The following FSTL4 variants were observed in gnomAD, a reference collection of about 807,000 sequenced individuals.
FSTL4 encodes the protein follistatin-related protein 4.
FSTL4 carries 28 observed loss-of-function variants against 78.2 expected under a neutral mutation model. That is an observed-to-expected ratio of 0.36 (90% CI 0.27 to 0.49). The LOEUF is 0.49. Among genes scored for constraint, FSTL4 ranks in the 20% least tolerant of loss-of-function variants. The probability of loss-of-function intolerance (pLI) is 0.98; values close to 1 mark genes in which losing one functional copy is unlikely to be tolerated. For missense variants in FSTL4, 922 were observed against 1,084.9 expected, an observed-to-expected ratio of 0.85 and a Z score of 2.11; for synonymous variants, 422 against 440.5, an observed-to-expected ratio of 0.96 and a Z score of 0.53.
chr5:133,579,500 C>T (rs1325387544), intron 2 of FSTL4, among the ~76,000 whole-genome samples: 1 of 152,146 alleles, frequency 6.6e-6, no homozygotes, highest in African/African-American at 2.4e-5. Context: ...TCCAGCAGTC[C>T]ATGATCCATA....
chr5:133,245,325 C>T (rs1189952503), intron 7 of FSTL4, among the ~76,000 whole-genome samples: 2 of 152,094 alleles, frequency 1.3e-5, no homozygotes, highest in Admixed American at 1.3e-4. Context: ...TGTGAACTCC[C>T]TCTTGGATGC....
At chr5:133,233,345 G>T (rs1426318236) in intron 8 of FSTL4, 72 bp downstream of exon 8, 14 of 1,517,172 alleles carry the variant, frequency 9.2e-6, no homozygotes, top group Middle Eastern at 2.1e-4. Context: ...ATACAGGAGG[G>T]GGCGAGGGTT....
chr5:133,342,458 C>T (rs1028330515), intron 4 of FSTL4, among the ~76,000 whole-genome samples: 1 of 152,216 alleles, frequency 6.6e-6, no homozygotes, highest in African/African-American at 2.4e-5. Context: ...CTTCTACTTA[C>T]AGCACTGCAG....
At chr5:133,530,664 T>C (rs1380257841) in intron 3 of FSTL4, among the ~76,000 whole-genome samples, 1 of 152,150 alleles carries the variant, frequency 6.6e-6, no homozygotes, top group Admixed American at 6.5e-5. Context: ...CAGCTAGAAA[T>C]TGCTGTGTGG....
intron 4 of FSTL4, among the ~76,000 whole-genome samples, chr5:133,335,791 G>A (rs1486083029): frequency 6.6e-6 from 1 of 151,902 alleles, no homozygotes; most frequent in African/African-American, 2.4e-5. Context: ...CAAGAAGATG[G>A]GCCCTGATGC....
chr5:133,395,884 G>A (rs1025636477), intron 4 of FSTL4, among the ~76,000 whole-genome samples: 13 of 152,088 alleles, frequency 8.5e-5, no homozygotes, highest in African/African-American at 2.4e-4. Context: ...CTGAGAGCCC[G>A]GAGGTACATT....
At chr5:133,237,217 C>T (rs575095879) in intron 7 of FSTL4, among the ~76,000 whole-genome samples, 1 of 152,174 alleles carries the variant, frequency 6.6e-6, no homozygotes, top group African/African-American at 2.4e-5. Flanking sequence ...CTGCAGCCCT[C>T]GGGAGAACTC....
At chr5:133,750,087 G>C in the FSTL4 span, among the ~76,000 whole-genome samples, 1 of 152,136 alleles carries the variant, frequency 6.6e-6, no homozygotes, top group Admixed American at 6.5e-5. Context: ...GGGTGAGCTG[G>C]GGATGGGAGA....
chr5:133,341,454 T>C (rs945867788), intron 4 of FSTL4, among the ~76,000 whole-genome samples: 2 of 152,062 alleles, frequency 1.3e-5, no homozygotes, highest in Admixed American at 6.6e-5. Flanking sequence ...GGCATTTCCC[T>C]TGCACGTGGT....
chr5:133,384,473 G>A lies in FSTL4; in HGVS notation c.409+16265C>T, dbSNP rs118077022. Reference sequence around the variant, plus strand: ...AGATGACTTGTACTTCTGCTTAGACGAGGACTGGCTAAGGATGGAGGAAGG... The same window carrying A: ...AGATGACTTGTACTTCTGCTTAGACAAGGACTGGCTAAGGATGGAGGAAGG... On this transcript the variant is annotated intron_variant, in intron 4 of 15. Coordinates refer to ENST00000265342, the MANE Select transcript of FSTL4 (RefSeq NM_015082.2). Among the ~76,000 whole-genome samples, 59 of 152,334 alleles carry A rather than the reference G, an allele frequency of 3.9e-4. No individual in the cohort carries two copies. The East Asian group carries it at 9.2e-3, about 24-fold the overall frequency.
At chr5:133,468,697 T>G (rs1238788646) in intron 3 of FSTL4, among the ~76,000 whole-genome samples, 2 of 152,170 alleles carry the variant, frequency 1.3e-5, no homozygotes, top group Admixed American at 1.3e-4. Flanking sequence ...TGAGACTCAG[T>G]GTGGCAGCAC....
chr5:133,600,486 T>C (rs537773187), intron 2 of FSTL4, among the ~76,000 whole-genome samples: 1 of 152,202 alleles, frequency 6.6e-6, no homozygotes, highest in Non-Finnish European at 1.5e-5. Context: ...TTGTTTCCTC[T>C]GAATTCAGAA....
At chr5:133,589,150 G>C (rs189024194) in intron 2 of FSTL4, among the ~76,000 whole-genome samples, 7,732 of 50,454 alleles carry the variant, frequency 0.15, 784 homozygotes, top group Middle Eastern at 0.32. Context: ...GTCGGGGGAG[G>C]GGGGAGGGAT....
At chr5:133,244,586 CA>C in intron 7 of FSTL4, 1 of 152,356 alleles carries the variant, frequency 6.6e-6, no homozygotes, top group East Asian at 1.9e-4. Flanking sequence ...CGTCATAATC[CA>C]GAGACCCACT....
chr5:133,649,176 G>A, the FSTL4 span, among the ~76,000 whole-genome samples: 26 of 152,222 alleles, frequency 1.7e-4, no homozygotes, highest in South Asian at 2.3e-3. Flanking sequence ...AGTTTCTTCC[G>A]TGTCTTTTCA....
At chr5:133,430,766 G>A (rs1756918177) in intron 3 of FSTL4, among the ~76,000 whole-genome samples, 1 of 152,082 alleles carries the variant, frequency 6.6e-6, no homozygotes, top group African/African-American at 2.4e-5. Flanking sequence ...TTTGAAGAAT[G>A]CACCCATAAC....
At chr5:133,413,287 C>G (rs1040831907) in intron 3 of FSTL4, among the ~76,000 whole-genome samples, 2 of 149,790 alleles carry the variant, frequency 1.3e-5, no homozygotes, top group East Asian at 3.9e-4. Flanking sequence ...TCTAAAATGT[C>G]TATTTTATCC....
At chr5:133,800,987 G>A in the FSTL4 span, among the ~76,000 whole-genome samples, 1 of 152,084 alleles carries the variant, frequency 6.6e-6, no homozygotes, top group Non-Finnish European at 1.5e-5. Flanking sequence ...ACGCTGCCAC[G>A]ACAGGCCCTG....
In FSTL4 at chr5:133,214,886, C is replaced by A. The variant is rs538925239; in HGVS notation, c.1608+2343G>T. On this transcript the variant is annotated intron_variant, in intron 13 of 15. Transcript: ENST00000265342. The stretch of plus-strand genomic sequence containing the variant: ...GTAATGTCACCTACTTTAAAAAGTT[C>A]TTTTGTCATTCCCTTCCAGGCATTG... Among the ~76,000 whole-genome samples the A allele has an allele frequency of 3.3e-5, 5 of 152,318 alleles. No individual in the cohort carries two copies. In the South Asian group the frequency reaches 1.0e-3, roughly 32 times the overall value.
Sources: allele counts gnomAD v4.1 joint callset (sites outside exome capture counted in the v4.1 genomes callset), GRCh38; gene constraint gnomAD v4.1.1; transcripts MANE v1.5; gene names NCBI Gene and HGNC (gene_info 2026-07-23, HGNC 2026-07-21).